The following FUT8 variants were observed in gnomAD, a reference collection of about 807,000 sequenced individuals.
FUT8 encodes alpha-(1,6)-fucosyltransferase.
Under a neutral mutation model 71.3 loss-of-function variants are expected in FUT8, and 29 were observed. The ratio of observed to expected loss-of-function variants is 0.41; its 90% confidence interval spans 0.30 to 0.55. FUT8 has a LOEUF of 0.55. Ranked by LOEUF, FUT8 falls within the 20% of genes least tolerant of loss-of-function variation. The probability of loss-of-function intolerance (pLI) is 0.34; values close to 1 mark genes in which losing one functional copy is unlikely to be tolerated. For missense variants in FUT8, 544 were observed against 702.1 expected, an observed-to-expected ratio of 0.77 and a Z score of 2.55; for synonymous variants, 254 against 239.3, an observed-to-expected ratio of 1.06 and a Z score of -0.57.
At chr14:65,391,785 G>A in the FUT8 span, among the ~76,000 whole-genome samples, 1 of 150,876 alleles carries the variant, frequency 6.6e-6, no homozygotes, top group Non-Finnish European at 1.5e-5. Flanking sequence ...ACTGTACCTG[G>A]CTAATTTTGT....
chr14:65,547,330 C>T (rs1354980688), intron 2 of FUT8, among the ~76,000 whole-genome samples: 1 of 151,564 alleles, frequency 6.6e-6, no homozygotes, highest in Non-Finnish European at 1.5e-5. Flanking sequence ...AATATAGGGA[C>T]TTTAAAACAG....
chr14:65,506,580 T>A (rs1306562484), intron 2 of FUT8, among the ~76,000 whole-genome samples: 1 of 152,224 alleles, frequency 6.6e-6, no homozygotes, highest in Non-Finnish European at 1.5e-5. Context: ...TTTTGAAAAT[T>A]GGGTAGTAAG....
intron 10 of FUT8, among the ~76,000 whole-genome samples, chr14:65,734,523 T>C (rs868508329): frequency 1.3e-5 from 2 of 152,122 alleles, no homozygotes; most frequent in Non-Finnish European, 2.9e-5. Context: ...GAAGGGAAAA[T>C]GTCTTCAAGT....
intron 1 of FUT8, among the ~76,000 whole-genome samples, chr14:65,442,519 A>ATACG (rs35962633): frequency 1.7e-5 from 1 of 57,824 alleles, no homozygotes; most frequent in East Asian, 3.3e-4. Flanking sequence ...ACCATCATAA[A>ATACG]TACATACATA....
At chr14:65,521,232 A>G (rs889936702) in intron 2 of FUT8, among the ~76,000 whole-genome samples, 1 of 152,188 alleles carries the variant, frequency 6.6e-6, no homozygotes, top group Non-Finnish European at 1.5e-5. Context: ...AGGGAATTAT[A>G]GAAAAACTGA....
rs1362384917 is a variant in FUT8 at position 65,742,957 on chromosome 14, T to G, written c.*547T>G. 7.2e-6 allele frequency: 1 copy of G among 139,696 alleles called. No individual in the cohort carries two copies. The highest frequency in any genetic ancestry group is 2.2e-4 in the South Asian group (1 of 4,448). The allele number at this position is 139,696 out of a possible 1,614,324, so 8.7% of individuals were successfully genotyped here. A position where few individuals can be genotyped will look rare whatever the true frequency, so the allele number is the denominator to read the frequency against. On this transcript the variant is annotated 3_prime_UTR_variant, in exon 11 of 11. Transcript: ENST00000673929. ...TTTTTTCCTTTATAAGGTTGTCTGT[T>G]TTTTTTTTTTTAAATAATTGCATCA...
At chr14:65,569,627 TA>T (rs1886372643) in intron 3 of FUT8, among the ~76,000 whole-genome samples, 3 of 151,972 alleles carry the variant, frequency 2.0e-5, no homozygotes, top group African/African-American at 7.2e-5. Flanking sequence ...TTTAATTTCT[TA>T]AATAGTTATT....
intron 2 of FUT8, among the ~76,000 whole-genome samples, chr14:65,513,913 T>C (rs1399681888): frequency 6.6e-6 from 1 of 152,216 alleles, no homozygotes; most frequent in Non-Finnish European, 1.5e-5. Context: ...TATGGGGAAG[T>C]CTAGTGCATG....
intron 2 of FUT8, among the ~76,000 whole-genome samples, chr14:65,502,062 C>T (rs2066654585): frequency 6.6e-6 from 1 of 151,936 alleles, no homozygotes; most frequent in Admixed American, 6.6e-5. Context: ...AGGCACCTGC[C>T]ACCACACCCA....
At chr14:65,425,003 A>G (rs148239900) in intron 1 of FUT8, among the ~76,000 whole-genome samples, 12 of 151,962 alleles carry the variant, frequency 7.9e-5, no homozygotes, top group Admixed American at 2.0e-4. Context: ...TTGTCTATGA[A>G]TATTTTCAAA....
At chr14:65,499,508 TAAA>T (rs1168371820) in intron 2 of FUT8, among the ~76,000 whole-genome samples, 1 of 152,126 alleles carries the variant, frequency 6.6e-6, no homozygotes, top group Admixed American at 6.6e-5. Flanking sequence ...TGTTGATGAT[TAAA>T]TCAATTTGTA....
intron 1 of FUT8, among the ~76,000 whole-genome samples, chr14:65,425,934 G>A (rs1209336551): frequency 4.6e-5 from 7 of 151,278 alleles, no homozygotes; most frequent in African/African-American, 1.5e-4. Context: ...CTGAGATCAC[G>A]CCACTGCACT....
chr14:65,378,837 G>GTTT, the FUT8 span, among the ~76,000 whole-genome samples: 2,154 of 66,832 alleles, frequency 0.032, 518 homozygotes, highest in Middle Eastern at 0.047. Context: ...TCACAAGAAG[G>GTTT]TTTTTTTTTT....
In FUT8 at chr14:65,472,405, C is replaced by A. The variant is rs2139640257; in HGVS notation, c.-228+16687C>A. ...AACATCTCCCATTAGGCCCCACCCCCAACATTGAGATCAAATTTCAACAGG... is the reference window on the plus strand; with the variant it reads ...AACATCTCCCATTAGGCCCCACCCCAAACATTGAGATCAAATTTCAACAGG... On this transcript the variant is annotated intron_variant, in intron 2 of 10. Coordinates refer to ENST00000673929, the MANE Select transcript of FUT8 (RefSeq NM_001371533.1). The surrounding 1 kb of genome is among the most constrained non-coding windows in gnomAD (Gnocchi z 4.4). 1.3e-5 allele frequency among the ~76,000 whole-genome samples: 2 copies of A among 152,186 alleles called. 1 individual carries two copies. The highest frequency in any genetic ancestry group is 6.8e-3 in the Middle Eastern group (2 of 294).
At chr14:65,651,380 C>T (rs1181103224) in intron 6 of FUT8, among the ~76,000 whole-genome samples, 5 of 152,226 alleles carry the variant, frequency 3.3e-5, no homozygotes, top group African/African-American at 1.2e-4. Flanking sequence ...AAGACCCTAA[C>T]AATTAAATTG....
chr14:65,647,225 C>A (rs1891163307), intron 6 of FUT8, among the ~76,000 whole-genome samples: 1 of 152,068 alleles, frequency 6.6e-6, no homozygotes, highest in Non-Finnish European at 1.5e-5. Flanking sequence ...TATTAAAGTC[C>A]TTTGGTTGTG....
At chr14:65,644,445 C>T (rs963333020) in intron 6 of FUT8, among the ~76,000 whole-genome samples, 5 of 152,090 alleles carry the variant, frequency 3.3e-5, no homozygotes, top group Admixed American at 2.0e-4. Context: ...CGCCCACCAC[C>T]GCCTCCCGGG....
At chr14:65,611,404 T>A (rs1484155634) in intron 3 of FUT8, among the ~76,000 whole-genome samples, 3 of 151,800 alleles carry the variant, frequency 2.0e-5, no homozygotes, top group South Asian at 2.1e-4. Context: ...CTTTTTTTTT[T>A]AAAGAACCAG....
At chr14:65,726,134 T>C (rs1045422314) in intron 9 of FUT8, among the ~76,000 whole-genome samples, 2 of 152,078 alleles carry the variant, frequency 1.3e-5, no homozygotes, top group Admixed American at 6.5e-5. Context: ...CAAAACACAA[T>C]AAAAAAATGT....
Sources: gnomAD v4.1 joint callset for allele counts (sites outside exome capture counted in the v4.1 genomes callset) on GRCh38, gnomAD v4.1.1 for gene constraint, Gnocchi (gnomAD v3.1) non-coding constraint, MANE v1.5 for transcripts, NCBI Gene and HGNC (gene_info 2026-07-23, HGNC 2026-07-21) for gene names.